CNOT6: variants seen among roughly 807,000 people sequenced by gnomAD.
The protein encoded by CNOT6 is carbon catabolite repression 4 protein.
In CNOT6, 12 loss-of-function variants were observed where a neutral mutation model predicts 61.2. The observed-to-expected ratio is 0.20, with a 90% CI of 0.13 to 0.32. The LOEUF is 0.32. Ranked by LOEUF, CNOT6 falls within the 10% of genes least tolerant of loss-of-function variation. CNOT6 has a pLI of 1.00. For missense variants in CNOT6, 405 were observed against 663.9 expected (o/e 0.61, Z 4.28); for synonymous variants, 225 against 240.6 (o/e 0.94, Z 0.60).
intron 2 of CNOT6, among the ~76,000 whole-genome samples, chr5:180,547,879 G>A (rs1010517753): frequency 2.0e-5 from 3 of 152,000 alleles, no homozygotes; most frequent in South Asian, 2.1e-4. Context: ...GATTACAGGC[G>A]CCCACCAGCA....
In CNOT6 at chr5:180,535,141, A is replaced by G. The variant is rs149250985; in HGVS notation, c.112+5753A>G. The stretch of plus-strand genomic sequence containing the variant: ...ATGTGCTCACTGATTCGTGGGGTGG[A>G]GGACACTGCACACCCAGCCATCTGG... On this transcript the variant is annotated intron_variant, in intron 2 of 11. Coordinates refer to ENST00000261951, the MANE Select transcript of CNOT6 (RefSeq NM_001370472.1). 2.0e-3 allele frequency among the ~76,000 whole-genome samples: 304 copies of G among 151,686 alleles called. 1 individual carries two copies. The highest frequency in any genetic ancestry group is 7.2e-3 in the African/African-American group (295 of 40,924).
chr5:180,494,908 TGGG>T (rs1193162359), intron 1 of CNOT6, 145 bp downstream of exon 1: 2 of 151,562 alleles, frequency 1.3e-5, no homozygotes, highest in African/African-American at 2.4e-5. Context: ...TGGCGGCTGT[TGGG>T]GGCCCCTTCG....
intron 10 of CNOT6, among the ~76,000 whole-genome samples, chr5:180,570,481 C>T (rs1245674121): frequency 6.6e-6 from 1 of 152,074 alleles, no homozygotes; most frequent in East Asian, 1.9e-4. Flanking sequence ...GGATTACTGC[C>T]CCTGAAGCAG....
chr5:180,539,114 G>T (rs1317557524), intron 2 of CNOT6, among the ~76,000 whole-genome samples: 5 of 149,074 alleles, frequency 3.4e-5, no homozygotes, highest in African/African-American at 1.2e-4. Context: ...GGCAGTGGTT[G>T]CAGTGAGCTG....
intron 2 of CNOT6, among the ~76,000 whole-genome samples, chr5:180,535,980 T>G (rs1390180637): frequency 6.8e-6 from 1 of 146,554 alleles, no homozygotes; most frequent in Non-Finnish European, 1.5e-5. Context: ...CTTTGCCCAC[T>G]TATTAGGGTT....
chr5:180,543,968 G>A (rs928337951), intron 2 of CNOT6, among the ~76,000 whole-genome samples: 1 of 151,954 alleles, frequency 6.6e-6, no homozygotes, highest in Non-Finnish European at 1.5e-5. Context: ...CCGCCACCAC[G>A]CCTGGCTAAT....
chr5:180,537,938 C>A (rs997847187), intron 2 of CNOT6, among the ~76,000 whole-genome samples: 1 of 151,054 alleles, frequency 6.6e-6, no homozygotes, highest in Non-Finnish European at 1.5e-5. Flanking sequence ...AGTTTTAAGG[C>A]TGGGTGCAGT....
chr5:180,507,695 G>A (rs1429801614), intron 1 of CNOT6, among the ~76,000 whole-genome samples: 1 of 152,194 alleles, frequency 6.6e-6, no homozygotes, highest in African/African-American at 2.4e-5. Flanking sequence ...TTCTTGCACT[G>A]CTATAAAGAA....
chr5:180,546,231 A>C (rs1485344344), intron 2 of CNOT6, among the ~76,000 whole-genome samples: 1 of 152,134 alleles, frequency 6.6e-6, no homozygotes, highest in Non-Finnish European at 1.5e-5. Flanking sequence ...TCTATGGTTA[A>C]ATTTAAAATT....
chr5:180,572,676 G>A (rs532792653), intron 11 of CNOT6, among the ~76,000 whole-genome samples: 13 of 151,740 alleles, frequency 8.6e-5, no homozygotes, highest in African/African-American at 2.7e-4. Flanking sequence ...CAGCCTCCCC[G>A]CTAACTTGGA....
At chr5:180,521,724 C>A (rs966212816) in intron 1 of CNOT6, among the ~76,000 whole-genome samples, 1 of 152,096 alleles carries the variant, frequency 6.6e-6, no homozygotes, top group Non-Finnish European at 1.5e-5. Context: ...TCTAATAGTC[C>A]CTAGTTTTAT....
chr5:180,539,613 G>A (rs1028727016), intron 2 of CNOT6, among the ~76,000 whole-genome samples: 3 of 93,782 alleles, frequency 3.2e-5, no homozygotes, highest in Admixed American at 1.5e-4. Flanking sequence ...TTTTTGAGAC[G>A]GAGTCTTGTT....
chr5:180,561,356 TTGTGTG>T (rs35909953), intron 4 of CNOT6, among the ~76,000 whole-genome samples: 25,890 of 144,776 alleles, frequency 0.18, 2,299 homozygotes, highest in Non-Finnish European at 0.21. Context: ...CTTGTGTGTT[TTGTGTG>T]TGTGTGTGTG....
chr5:180,514,075 G>T (rs954336570), intron 1 of CNOT6, among the ~76,000 whole-genome samples: 9 of 151,886 alleles, frequency 5.9e-5, no homozygotes, highest in Admixed American at 5.2e-4. Context: ...TGGTCCTCCT[G>T]CCTCGGCCTC....
At chr5:180,515,002 C>T (rs1448705407) in intron 1 of CNOT6, among the ~76,000 whole-genome samples, 1 of 152,094 alleles carries the variant, frequency 6.6e-6, no homozygotes, top group Non-Finnish European at 1.5e-5. Context: ...GAGTACTGAA[C>T]TTGTTTCCGT....
chr5:180,510,409 T>C (rs1047640058), intron 1 of CNOT6, among the ~76,000 whole-genome samples: 2 of 152,074 alleles, frequency 1.3e-5, no homozygotes, highest in Non-Finnish European at 2.9e-5. Flanking sequence ...GGGTTTGAAG[T>C]GAGAGTAGAA....
At chr5:180,548,133 A>G (rs1363452989) in intron 2 of CNOT6, among the ~76,000 whole-genome samples, 1 of 152,142 alleles carries the variant, frequency 6.6e-6, no homozygotes, top group South Asian at 2.1e-4. Flanking sequence ...CAATTCACAC[A>G]CTGTACAGCT....
At chr5:180,559,196 G>A (rs1339434962) in intron 4 of CNOT6, among the ~76,000 whole-genome samples, 1 of 152,180 alleles carries the variant, frequency 6.6e-6, no homozygotes, top group African/African-American at 2.4e-5. Context: ...TCTGTCAGTT[G>A]TGGAGAGAGA....
chr5:180,514,247 C>T (rs1757533760), intron 1 of CNOT6, among the ~76,000 whole-genome samples: 1 of 152,016 alleles, frequency 6.6e-6, no homozygotes, highest in African/African-American at 2.4e-5. Context: ...CATGGTGAAA[C>T]CCCGTCTCTA....
Sources: allele counts gnomAD v4.1 joint callset (sites outside exome capture counted in the v4.1 genomes callset), GRCh38; gene constraint gnomAD v4.1.1; transcripts MANE v1.5; gene names NCBI Gene and HGNC (gene_info 2026-07-23, HGNC 2026-07-21).